Variants in NSL1 observed in about 807,000 individuals in gnomAD.
NSL1 encodes kinetochore-associated protein NSL1 homolog.
NSL1 carries 11 observed loss-of-function variants against 25.4 expected under a neutral mutation model. That is an observed-to-expected ratio of 0.43 (90% CI 0.27 to 0.72). The LOEUF (loss-of-function observed/expected upper bound fraction) is 0.72, where lower values mean the gene tolerates loss of function less well. Ranked by LOEUF, NSL1 falls within the 30% of genes least tolerant of loss-of-function variation. The probability of loss-of-function intolerance (pLI) is 0.19; values close to 1 mark genes in which losing one functional copy is unlikely to be tolerated. For synonymous variants in NSL1, 118 were observed against 120.6 expected, an observed-to-expected ratio of 0.98 and a Z score of 0.14; for missense variants, 330 against 342.7, an observed-to-expected ratio of 0.96 and a Z score of 0.29.
chr1:212,769,951 A>T (rs996866133), intron 4 of NSL1, among the ~76,000 whole-genome samples: 3 of 152,150 alleles, frequency 2.0e-5, no homozygotes, highest in Non-Finnish European at 4.4e-5. Context: ...GCCTACAAGA[A>T]CCTCACTTCA....
At chr1:212,768,886 T>C (rs1659964682) in intron 4 of NSL1, among the ~76,000 whole-genome samples, 1 of 151,950 alleles carries the variant, frequency 6.6e-6, no homozygotes, top group African/African-American at 2.4e-5. Context: ...ATTTAAAAAA[T>C]ATACAGACTA....
intron 1 of NSL1, among the ~76,000 whole-genome samples, chr1:212,790,380 A>T (rs1274479849): frequency 6.6e-6 from 1 of 151,860 alleles, no homozygotes; most frequent in East Asian, 1.9e-4. Flanking sequence ...AAAATAGGTT[A>T]AAAAAAATTG....
At position 212,729,198 on chromosome 1, in the gene NSL1, T is replaced by G. The variant is rs1445540706; in HGVS notation, c.*9210A>C. 1 of 985,356 alleles carries G rather than the reference T, an allele frequency of 1.0e-6. No individual in the cohort carries two copies. Among genetic ancestry groups the G allele is most frequent in the East Asian group, 1.1e-4 (1 of 8,834 alleles). 61.0% of individuals were successfully genotyped at this position (985,356 alleles called of 1,614,324 possible). A position where few individuals can be genotyped will look rare whatever the true frequency, so the allele number is the denominator to read the frequency against. ...AATTCCACAGAAGTTTCCAAACCCA[T>G]GAGTTTCACTCTCAGGTTCCCTCTA... On this transcript the variant is annotated 3_prime_UTR_variant, in exon 6 of 6. Coordinates refer to ENST00000366977, the MANE Select transcript of NSL1 (RefSeq NM_015471.4).
rs911188868 is a variant in NSL1 at position 212,760,574 on chromosome 1, C to T, written c.500-20973G>A. 6.6e-6 allele frequency among the ~76,000 whole-genome samples: 1 copy of T among 152,120 alleles called. No homozygotes were observed. Among genetic ancestry groups the T allele is most frequent in the Non-Finnish European group, 1.5e-5 (1 of 68,008 alleles). On this transcript the variant is annotated intron_variant, in intron 4 of 5. Coordinates refer to ENST00000366977, the MANE Select transcript of NSL1 (RefSeq NM_015471.4). The surrounding 1 kb of genome is among the most constrained non-coding windows in gnomAD (Gnocchi z 4.3). Reference sequence around the variant, plus strand: ...ACCACCACCATCACCGCCAGGACCCCCCTAAATGTGCTCTGGGGGGACTGG... The same window carrying T: ...ACCACCACCATCACCGCCAGGACCCTCCTAAATGTGCTCTGGGGGGACTGG...
Position 212,727,649 on chromosome 1 carries a change from A to G in NSL1, c.*10759T>C, listed in dbSNP as rs1016697266. On this transcript the variant is annotated 3_prime_UTR_variant, in exon 6 of 6. Transcript: ENST00000366977. The stretch of plus-strand genomic sequence containing the variant: ...ACACGTCACAAATTCAGAATTTACT[A>G]TAATTATAATCCTGAACAATCAGGA... 3 of 985,218 alleles carry G rather than the reference A, an allele frequency of 3.0e-6. No individual in the cohort carries two copies. The highest frequency in any genetic ancestry group is 6.2e-5 in the Admixed American group (1 of 16,260). 61.0% of individuals were successfully genotyped at this position (985,218 alleles called of 1,614,324 possible).
At chr1:212,748,379 G>GATAT (rs1558043670) in intron 4 of NSL1, among the ~76,000 whole-genome samples, 1 of 152,092 alleles carries the variant, frequency 6.6e-6, no homozygotes, top group East Asian at 1.9e-4. Context: ...TCTATTTCTA[G>GATAT]ATATATATCT....
rs1363271354 is a variant in NSL1, at chr1:212,727,939, G to A, written c.*10469C>T. The A allele has an allele frequency of 1.6e-5, 16 of 985,284 alleles. No homozygotes were observed. Among genetic ancestry groups the A allele is most frequent in the Non-Finnish European group, 1.8e-5 (15 of 829,926 alleles). The allele number at this position is 985,284 out of a possible 1,614,324, so 61.0% of individuals were successfully genotyped here. On this transcript the variant is annotated 3_prime_UTR_variant, in exon 6 of 6. Transcript: ENST00000366977. Reference sequence around the variant, plus strand: ...ACCAACGAGGTCGCTGTGGTGTAGCGGTGAGAGCGTCTGAGACTCTGGACA... The same window carrying A: ...ACCAACGAGGTCGCTGTGGTGTAGCAGTGAGAGCGTCTGAGACTCTGGACA...
chr1:212,768,080 G>A (rs1167210196), intron 4 of NSL1, among the ~76,000 whole-genome samples: 2 of 152,190 alleles, frequency 1.3e-5, no homozygotes, highest in Admixed American at 1.3e-4. Flanking sequence ...AGCACTTTGG[G>A]AGTTCGAGGA....
intron 4 of NSL1, among the ~76,000 whole-genome samples, chr1:212,767,105 T>C (rs985580183): frequency 1.3e-5 from 2 of 152,082 alleles, no homozygotes; most frequent in Non-Finnish European, 2.9e-5. Flanking sequence ...AAAATTCATA[T>C]GAAACCAAAA....
Position 212,733,435 on chromosome 1 carries a change from A to C in NSL1, c.*4973T>G, listed in dbSNP as rs1658110584. ...CAACACAGCAAGACCTTGTTTCACA[A>C]AAAAAAAAAAAAAAAAATCCCATAC... is the stretch of plus-strand genomic sequence containing the variant. On this transcript the variant is annotated 3_prime_UTR_variant, in exon 6 of 6. Transcript: ENST00000366977. Among the ~76,000 whole-genome samples the C allele has an allele frequency of 2.2e-5, 1 of 44,814 alleles. No homozygotes were observed. The highest frequency in any genetic ancestry group is 8.2e-4 in the East Asian group (1 of 1,226). The allele number at this position is 44,814 out of a possible 152,430, so 29.4% of individuals were successfully genotyped here.
At chr1:212,761,393 T>G (rs1659555925) in intron 4 of NSL1, among the ~76,000 whole-genome samples, 1 of 151,962 alleles carries the variant, frequency 6.6e-6, no homozygotes, top group Non-Finnish European at 1.5e-5. Context: ...CCACAAAAAT[T>G]ACAAAAAATT....
At chr1:212,791,054 T>G (rs890798047) in intron 1 of NSL1, among the ~76,000 whole-genome samples, 1 of 152,232 alleles carries the variant, frequency 6.6e-6, no homozygotes, top group Non-Finnish European at 1.5e-5. Flanking sequence ...TGCGGCTGCA[T>G]TGTCCAACAG....
chr1:212,782,495 T>C, intron 3 of NSL1, 69 bp from the exon 4 acceptor site: 1 of 1,054,624 alleles, frequency 9.5e-7, no homozygotes, highest in South Asian at 1.3e-5. Context: ...TTTCAGCTAA[T>C]ATGGGAGATA....
chr1:212,783,085 T>C (rs936299593), intron 3 of NSL1, among the ~76,000 whole-genome samples: 1 of 152,146 alleles, frequency 6.6e-6, no homozygotes, highest in Non-Finnish European at 1.5e-5. Flanking sequence ...GGCAGGAGAA[T>C]GTCTTTTGCT....
At chr1:212,754,663 G>T (rs1435418585) in intron 4 of NSL1, among the ~76,000 whole-genome samples, 14 of 151,008 alleles carry the variant, frequency 9.3e-5, no homozygotes, top group Middle Eastern at 3.4e-3. Context: ...TGTAATCCCA[G>T]CTACTCAGGA....
At chr1:212,784,274 A>G in intron 3 of NSL1, 89 bp downstream of exon 3, 1 of 856,046 alleles carries the variant, frequency 1.2e-6, no homozygotes, top group South Asian at 2.1e-5. Context: ...AGACAACAAA[A>G]TGTCACTTAT....
rs541651398 is a variant in NSL1 at position 212,787,019 on chromosome 1, A to C, written c.313+540T>G. ...CCTCTACCAAAAATACAAGTTAGCC[A>C]GGCGTGGTGGCCACATGCCTGTAAT... is the stretch of plus-strand genomic sequence containing the variant. On this transcript the variant is annotated intron_variant, in intron 2 of 5. Coordinates refer to ENST00000366977, the MANE Select transcript of NSL1 (RefSeq NM_015471.4). Among the ~76,000 whole-genome samples the C allele has an allele frequency of 1.8e-3, 268 of 151,810 alleles. 3 individuals are homozygous for C. The highest frequency in any genetic ancestry group is 2.1e-3 in the East Asian group (11 of 5,142).
chr1:212,739,745 GAGTGAGACC>G (rs1658416441), intron 4 of NSL1, 144 bp from the exon 5 acceptor site: 1 of 681,858 alleles, frequency 1.5e-6, no homozygotes, highest in African/African-American at 1.8e-5. Flanking sequence ...ATCTTTCTCA[GAGTGAGACC>G]ATTATAATAA....
chr1:212,744,185 C>A (rs1425402644), intron 4 of NSL1, among the ~76,000 whole-genome samples: 2 of 152,214 alleles, frequency 1.3e-5, no homozygotes, highest in East Asian at 3.8e-4. Flanking sequence ...GAGCTGAAGG[C>A]ATATCCCGAC....
Sources: allele counts gnomAD v4.1 joint callset (sites outside exome capture counted in the v4.1 genomes callset), GRCh38; gene constraint gnomAD v4.1.1; non-coding constraint Gnocchi (gnomAD v3.1); transcripts MANE v1.5; gene names NCBI Gene and HGNC (gene_info 2026-07-23, HGNC 2026-07-21).